The following UBE2D4 variants were observed in gnomAD, a reference collection of about 807,000 sequenced individuals.
UBE2D4 encodes ubiquitin-conjugating enzyme E2 D4.
Under a neutral mutation model 23.0 loss-of-function variants are expected in UBE2D4, and 17 were observed. The observed-to-expected ratio is 0.74, with a 90% CI of 0.51 to 1.11. UBE2D4 has a LOEUF of 1.11. Ranked by LOEUF, UBE2D4 falls within the 50% of genes least tolerant of loss-of-function variation. The pLI is 0.00. For missense variants in UBE2D4, 139 were observed against 181.8 expected (o/e 0.76, Z 1.35); for synonymous variants, 61 against 69.4 (o/e 0.88, Z 0.60).
rs1195544824 is a variant in UBE2D4 at position 43,933,056 on chromosome 7, A to AC, written c.25-5375_25-5374insC. On this transcript the variant is annotated intron_variant, in intron 1 of 6. Coordinates refer to ENST00000222402, the MANE Select transcript of UBE2D4 (RefSeq NM_015983.4). ...CACATATGTATGTGTGTATATATAT[A>AC]ACATATATACACACATATATATACA... 8.2e-5 allele frequency among the ~76,000 whole-genome samples: 12 copies of AC among 146,240 alleles called. No homozygotes were observed. The South Asian group carries it at 8.6e-4, about 10-fold the overall frequency.
intron 2 of UBE2D4, among the ~76,000 whole-genome samples, 161 bp downstream of exon 2, chr7:43,938,655 G>A (rs1029697711): frequency 6.6e-6 from 1 of 152,180 alleles, no homozygotes; most frequent in Admixed American, 6.5e-5. Flanking sequence ...GGCTAACATG[G>A]CGAAACCCCG....
Position 43,942,978 on chromosome 7 carries a change from G to A in UBE2D4, c.145G>A (p.Val49Ile). 1.2e-6 allele frequency: 2 copies of A among 1,614,118 alleles called. No homozygotes were observed. Among genetic ancestry groups the A allele is most frequent in the Non-Finnish European group, 1.7e-6 (2 of 1,180,024 alleles). Residue 49 changes from valine (V) to isoleucine (I), a missense_variant, in exon 4 of 7, where the codon GTT (valine) becomes ATT (isoleucine). Coordinates refer to ENST00000222402, the MANE Select transcript of UBE2D4 (RefSeq NM_015983.4). The stretch of plus-strand genomic sequence containing the variant: ...GAATGACAGTCCTTACCAAGGAGGT[G>A]TTTTCTTCCTGACCATCCACTTTCC... The part of the protein sequence containing the change: ...GPNDSPYQGG[V>I]FFLTIHFPTD...
chr7:43,927,375 C>T (rs1348982546), intron 1 of UBE2D4, among the ~76,000 whole-genome samples: 1 of 149,544 alleles, frequency 6.7e-6, no homozygotes, highest in Non-Finnish European at 1.5e-5. Flanking sequence ...TACAGTGGCA[C>T]AATCATGGCT....
At chr7:43,946,862 C>T (rs1457081954) in intron 4 of UBE2D4, among the ~76,000 whole-genome samples, 1 of 151,776 alleles carries the variant, frequency 6.6e-6, no homozygotes, top group African/African-American at 2.4e-5. Context: ...GGGTCCACGG[C>T]CTGAGCTTCT....
Position 43,953,957 on chromosome 7 carries a change from T to A in UBE2D4, c.*1262T>A, listed in dbSNP as rs2039477640. On this transcript the variant is annotated 3_prime_UTR_variant, in exon 7 of 7. Coordinates refer to ENST00000222402, the MANE Select transcript of UBE2D4 (RefSeq NM_015983.4). ...CTGTGACCAAGTGGCCAGATGGGGC[T>A]TTTGCCGGCTGATTGAAAGGAAGTC... is the stretch of plus-strand genomic sequence containing the variant. The A allele has an allele frequency of 6.6e-6, 1 of 152,186 alleles. No homozygotes were observed. The highest frequency in any genetic ancestry group is 2.4e-5 in the African/African-American group (1 of 41,460). The allele number at this position is 152,186 out of a possible 1,614,324, so 9.4% of individuals were successfully genotyped here.
chr7:43,955,159 A>AG lies in UBE2D4; in HGVS notation c.*2466dup, dbSNP rs1193500682. The AG allele has an allele frequency of 1.3e-5, 2 of 152,156 alleles. No homozygotes were observed. The highest frequency in any genetic ancestry group is 2.4e-5 in the African/African-American group (1 of 41,440). The allele number at this position is 152,156 out of a possible 1,614,324, so 9.4% of individuals were successfully genotyped here. A position where few individuals can be genotyped will look rare whatever the true frequency, so the allele number is the denominator to read the frequency against. ...GGTCAGCCTGGAGAACAGGCTCCTT[A>AG]GGTCAAAAACCTTGTTTTAAGAGCC... On this transcript the variant is annotated 3_prime_UTR_variant, in exon 7 of 7. Transcript: ENST00000222402.
Position 43,953,604 on chromosome 7 carries a change from A to G in UBE2D4, c.*909A>G, listed in dbSNP as rs1178231325. On this transcript the variant is annotated 3_prime_UTR_variant, in exon 7 of 7. Transcript: ENST00000222402. The stretch of plus-strand genomic sequence containing the variant: ...ATTTCAGCCTCTTTCTTTTAGGCAA[A>G]ACAGAAGATACACACTATTAACAGT... The G allele has an allele frequency of 5.1e-6, 1 of 194,192 alleles. No individual in the cohort carries two copies. Among genetic ancestry groups the G allele is most frequent in the African/African-American group, 2.3e-5 (1 of 42,722 alleles). The allele number at this position is 194,192 out of a possible 1,614,324, so 12.0% of individuals were successfully genotyped here. A position where few individuals can be genotyped will look rare whatever the true frequency, so the allele number is the denominator to read the frequency against.
intron 1 of UBE2D4, 89 bp downstream of exon 1, chr7:43,926,645 G>T (rs1003433692): frequency 7.3e-7 from 1 of 1,372,790 alleles, no homozygotes; most frequent in Non-Finnish European, 9.7e-7. Flanking sequence ...AAAGGTGACG[G>T]AGGCTCCGCG....
rs752952683 is a variant in UBE2D4, at chr7:43,948,652, T to G, written c.219T>G (p.Ile73Met). 3.1e-6 allele frequency: 5 copies of G among 1,609,346 alleles called. No individual in the cohort carries two copies. Among genetic ancestry groups the G allele is most frequent in the East Asian group, 4.5e-5 (2 of 44,748 alleles). Residue 73 changes from isoleucine to methionine, a missense_variant, in exon 5 of 7, where the codon ATT (isoleucine) becomes ATG (methionine). Transcript: ENST00000222402. The part of the protein sequence containing the change: ...KPPKVAFTTK[I>M]YHPNINSNGS... ...TGCAGGTTGCTTTCACAACCAAAATTTATCACCCTAATATCAACAGCAATG... is the reference window on the plus strand; with the variant it reads ...TGCAGGTTGCTTTCACAACCAAAATGTATCACCCTAATATCAACAGCAATG...
rs561601278 is a variant in UBE2D4 at position 43,950,627 on chromosome 7, C to T, written c.333C>T (p.Cys111=). ...KVLLSICSLL[C]DPNPDDPLVP... Reference sequence around the variant, plus strand: ...TCTTGTCCATCTGCTCGCTGCTCTGCGACCCCAACCCCGATGACCCCCTGG... The same window carrying T: ...TCTTGTCCATCTGCTCGCTGCTCTGTGACCCCAACCCCGATGACCCCCTGG... The change falls in exon 6 of 7, where the codon TGC becomes TGT. Residue 111 remains cysteine, a synonymous_variant. Coordinates refer to ENST00000222402, the MANE Select transcript of UBE2D4 (RefSeq NM_015983.4). 2.3e-5 allele frequency: 37 copies of T among 1,614,186 alleles called. No homozygotes were observed. The highest frequency in any genetic ancestry group is 1.6e-4 in the East Asian group (7 of 44,884).
At chr7:43,949,280 A>G (rs1322533421) in intron 5 of UBE2D4, 1 of 157,180 alleles carries the variant, frequency 6.4e-6, no homozygotes, top group African/African-American at 2.4e-5. Flanking sequence ...TGGGCTGTGC[A>G]TGGGCTATGT....
At chr7:43,934,782 A>C (rs557443165) in intron 1 of UBE2D4, among the ~76,000 whole-genome samples, 1 of 152,272 alleles carries the variant, frequency 6.6e-6, no homozygotes, top group Non-Finnish European at 1.5e-5. Context: ...AATATTCTAC[A>C]TTCTTTCATT....
intron 1 of UBE2D4, chr7:43,928,059 C>G: frequency 4.4e-6 from 2 of 454,470 alleles, no homozygotes; most frequent in South Asian, 1.6e-5. Context: ...GGTGAGGCCT[C>G]AGGAAGCTTA....
At chr7:43,948,996 A>G (rs1348826517) in intron 5 of UBE2D4, 5 of 451,312 alleles carry the variant, frequency 1.1e-5, no homozygotes, top group Non-Finnish European at 2.0e-5. Context: ...GCAAGAAGAA[A>G]ATACTGATTC....
intron 1 of UBE2D4, among the ~76,000 whole-genome samples, chr7:43,929,646 GC>G (rs2095941172): frequency 6.6e-6 from 1 of 151,978 alleles, no homozygotes; most frequent in African/African-American, 2.4e-5. Flanking sequence ...GTCAGGGCTG[GC>G]TTCATGTGTG....
At chr7:43,933,980 T>C (rs1470632806) in intron 1 of UBE2D4, among the ~76,000 whole-genome samples, 1 of 152,190 alleles carries the variant, frequency 6.6e-6, no homozygotes, top group Non-Finnish European at 1.5e-5. Flanking sequence ...TTAATTGTTT[T>C]AAAAATATTT....
At chr7:43,927,842 T>A (rs539315450) in intron 1 of UBE2D4, among the ~76,000 whole-genome samples, 13 of 152,350 alleles carry the variant, frequency 8.5e-5, no homozygotes, top group Non-Finnish European at 4.4e-5. Context: ...AGCACATGCT[T>A]GCTGTATACC....
chr7:43,926,594 G>C, intron 1 of UBE2D4, 38 bp downstream of exon 1: 1 of 1,547,374 alleles, frequency 6.5e-7, no homozygotes, highest in Non-Finnish European at 8.7e-7. Context: ...TTGGGTGTCC[G>C]AAGCGTCGAG....
chr7:43,943,000 T>A lies in UBE2D4; in HGVS notation c.167T>A (p.Phe56Tyr). 6.2e-7 allele frequency: 1 copy of A among 1,614,172 alleles called. No homozygotes were observed. The highest frequency in any genetic ancestry group is 8.5e-7 in the Non-Finnish European group (1 of 1,180,032). ...QGGVFFLTIH[F>Y]PTDYPFKPPK... ...GGTGTTTTCTTCCTGACCATCCACTTTCCTACAGATTACCCGTTCAAGCCC... is the reference window on the plus strand; with the variant it reads ...GGTGTTTTCTTCCTGACCATCCACTATCCTACAGATTACCCGTTCAAGCCC... The change falls in exon 4 of 7, where the codon TTT becomes TAT. Residue 56 changes from phenylalanine (F) to tyrosine (Y), a missense_variant. By Grantham distance (22) the Phe-to-Tyr change is conservative (BLOSUM62 3). Transcript: ENST00000222402.
Sources: allele counts gnomAD v4.1 joint callset (sites outside exome capture counted in the v4.1 genomes callset), GRCh38; gene constraint gnomAD v4.1.1; transcripts MANE v1.5; gene names NCBI Gene and HGNC (gene_info 2026-07-23, HGNC 2026-07-21).